Variants in SYNE1 observed in about 807,000 individuals in gnomAD.
SYNE1 encodes the protein spectrin repeat containing nuclear envelope protein 1.
In SYNE1, 616 loss-of-function variants were observed where a neutral mutation model predicts 1,111.0. The ratio of observed to expected loss-of-function variants is 0.55; its 90% CI spans 0.52 to 0.59. The LOEUF is 0.59. Among genes scored for constraint, SYNE1 ranks in the 20% least tolerant of loss-of-function variants. The pLI is 0.00. For synonymous variants in SYNE1, 3,855 were observed against 3,825.8 expected (o/e 1.01, Z -0.28); for missense variants, 10,006 against 10,417.0 (o/e 0.96, Z 1.72).
intron 3 of SYNE1, among the ~76,000 whole-genome samples, chr6:152,547,857 T>A (rs2099321853): frequency 6.6e-6 from 1 of 152,212 alleles, no homozygotes; most frequent in Non-Finnish European, 1.5e-5. Context: ...CCTTATTTTT[T>A]TATGGAGGAA....
At chr6:152,266,719 T>C (rs559946226) in intron 100 of SYNE1, among the ~76,000 whole-genome samples, 1 of 152,348 alleles carries the variant, frequency 6.6e-6, no homozygotes, top group South Asian at 2.1e-4. Context: ...TTTTCTTGAA[T>C]GCCTTCCTAT....
rs577545152 is a variant in SYNE1, at chr6:152,540,198, C to T, written c.68-177G>A. Among the ~76,000 whole-genome samples the T allele has an allele frequency of 2.0e-5, 3 of 148,534 alleles. No homozygotes were observed. The South Asian group carries it at 6.2e-4, about 31-fold the overall frequency. On this transcript the variant is annotated intron_variant, in intron 3 of 145. Transcript: ENST00000367255. ...GAGTCGATCTACATAATCATATAGACTATTCCTTTAAAAATTATCTGCAAA... is the reference window on the plus strand; with the variant it reads ...GAGTCGATCTACATAATCATATAGATTATTCCTTTAAAAATTATCTGCAAA...
At chr6:152,561,223 G>T (rs1030936841) in intron 3 of SYNE1, among the ~76,000 whole-genome samples, 1 of 151,876 alleles carries the variant, frequency 6.6e-6, no homozygotes, top group African/African-American at 2.4e-5. Context: ...AAGTTATAAG[G>T]TACAAAATTA....
intron 111 of SYNE1, among the ~76,000 whole-genome samples, chr6:152,234,418 C>T (rs2153527667): frequency 6.6e-6 from 1 of 152,278 alleles, no homozygotes; most frequent in African/African-American, 2.4e-5. Context: ...CCTCAGCCTC[C>T]TGAGTAGCTG....
At chr6:152,218,537 C>T (rs773440819) in intron 120 of SYNE1, 134 bp from the exon 121 acceptor site, 48 of 996,498 alleles carry the variant, frequency 4.8e-5, no homozygotes, top group Admixed American at 1.4e-4. Flanking sequence ...ATTCTCTAGA[C>T]GTTCCTATAA....
intron 2 of SYNE1, among the ~76,000 whole-genome samples, chr6:152,635,035 C>T (rs899789767): frequency 3.3e-5 from 5 of 152,244 alleles, no homozygotes; most frequent in African/African-American, 9.6e-5. Flanking sequence ...GTGACAGTCA[C>T]ACCTCCTTTC....
intron 58 of SYNE1, among the ~76,000 whole-genome samples, chr6:152,374,173 A>T (rs4870101): frequency 0.45 from 68,149 of 152,058 alleles, 16,378 homozygotes; most frequent in Non-Finnish European, 0.54. Flanking sequence ...GTGTAGTTTA[A>T]TAAAGTGTAG....
chr6:152,158,084 G>T (rs2061727307), intron 131 of SYNE1, among the ~76,000 whole-genome samples: 2 of 152,156 alleles, frequency 1.3e-5, no homozygotes, highest in South Asian at 4.1e-4. Context: ...TAGGGCAGAA[G>T]TAAAATGTTT....
At chr6:152,573,616 G>A (rs893379780) in intron 3 of SYNE1, among the ~76,000 whole-genome samples, 3 of 152,040 alleles carry the variant, frequency 2.0e-5, no homozygotes, top group African/African-American at 7.3e-5. Context: ...TGTTCAAGAA[G>A]ATTTAGAACC....
chr6:152,135,578 C>T (rs1290760714), intron 141 of SYNE1, among the ~76,000 whole-genome samples: 2 of 152,206 alleles, frequency 1.3e-5, no homozygotes, highest in Non-Finnish European at 2.9e-5. Context: ...TTTTAAGGCC[C>T]ACCTAGGCTG....
chr6:152,276,597 GT>G (rs11343408), intron 98 of SYNE1, among the ~76,000 whole-genome samples: 35,751 of 151,772 alleles, frequency 0.24, 4,787 homozygotes, highest in East Asian at 0.52. Context: ...TGAAGTTTCC[GT>G]TAACAATATT....
chr6:152,397,020 G>C (rs1563692383), intron 49 of SYNE1, 40 bp from the exon 50 acceptor site: 7 of 1,587,966 alleles, frequency 4.4e-6, no homozygotes, highest in Non-Finnish European at 6.1e-6. Context: ...ATGGGACTAT[G>C]CATTACAATT....
intron 25 of SYNE1, chr6:152,453,323 C>T: frequency 8.4e-6 from 5 of 594,332 alleles, no homozygotes; most frequent in South Asian, 2.1e-5. Flanking sequence ...GTTCTTGCAC[C>T]CTGGATTAAA....
At chr6:152,532,709 G>C (rs981456687) in intron 4 of SYNE1, among the ~76,000 whole-genome samples, 2 of 152,168 alleles carry the variant, frequency 1.3e-5, no homozygotes, top group African/African-American at 4.8e-5. Flanking sequence ...TCTGTGCACA[G>C]AACGACCCAT....
intron 3 of SYNE1, among the ~76,000 whole-genome samples, chr6:152,566,582 A>T (rs2099414251): frequency 6.6e-6 from 1 of 152,146 alleles, no homozygotes; most frequent in South Asian, 2.1e-4. Context: ...TTTGGCACAA[A>T]ATCTTAAATT....
chr6:152,523,252 A>T (rs1299410392), intron 5 of SYNE1, among the ~76,000 whole-genome samples: 1 of 152,094 alleles, frequency 6.6e-6, no homozygotes, highest in Non-Finnish European at 1.5e-5. Flanking sequence ...ATAGGGGTCC[A>T]GTTTCATTCT....
At chr6:152,597,801 G>A (rs374042136) in intron 3 of SYNE1, among the ~76,000 whole-genome samples, 3 of 152,066 alleles carry the variant, frequency 2.0e-5, no homozygotes, top group South Asian at 2.1e-4. Context: ...ATAGTCAAGC[G>A]ATGTTTTTCT....
In SYNE1 at chr6:152,396,946, T is replaced by C; in HGVS notation, c.7385A>G (p.Lys2462Arg). 1 of 1,614,184 alleles carries C rather than the reference T, an allele frequency of 6.2e-7. No homozygotes were observed. ...ILDSVSDGQS[K>R]LDAVTQEGQT... Reference sequence around the variant, plus strand: ...TCCTTCTTGAGTCACTGCATCAAGTTTGCTCTGCCCATCACTGACTGAGTC... The same window carrying C: ...TCCTTCTTGAGTCACTGCATCAAGTCTGCTCTGCCCATCACTGACTGAGTC... Residue 2462 changes from lysine to arginine, a missense_variant, in exon 50 of 146, where the codon AAA becomes AGA. Transcript: ENST00000367255.
intron 142 of SYNE1, 21 bp from the exon 143 acceptor site, chr6:152,133,509 T>G (rs762570151): frequency 6.2e-7 from 1 of 1,611,430 alleles, no homozygotes; most frequent in South Asian, 1.1e-5. Flanking sequence ...AAAAACAAAT[T>G]AATTTTTCTA....
Sources: gnomAD v4.1 joint callset for allele counts (sites outside exome capture counted in the v4.1 genomes callset) on GRCh38, gnomAD v4.1.1 for gene constraint, MANE v1.5 for transcripts, NCBI Gene and HGNC (gene_info 2026-07-23, HGNC 2026-07-21) for gene names.